MYRIP: variants seen among roughly 807,000 people sequenced by gnomAD.
MYRIP encodes the protein myosin VIIA and Rab interacting protein, also known as rab effector MyRIP.
Under a neutral mutation model 98.0 loss-of-function variants are expected in MYRIP, and 49 were observed. That is an observed-to-expected ratio of 0.50 (90% CI 0.40 to 0.63). The LOEUF (loss-of-function observed/expected upper bound fraction) is 0.63, where lower values mean the gene tolerates loss of function less well. Among genes scored for constraint, MYRIP ranks in the 30% least tolerant of loss-of-function variants. The probability of loss-of-function intolerance (pLI) is 0.00; values close to 1 mark genes in which losing one functional copy is unlikely to be tolerated. For missense variants in MYRIP, 1,004 were observed against 1,058.2 expected (o/e 0.95, Z 0.71); for synonymous variants, 404 against 409.5 (o/e 0.99, Z 0.16).
chr3:40,097,276 A>G (rs1356700457), intron 3 of MYRIP, among the ~76,000 whole-genome samples: 1 of 152,230 alleles, frequency 6.6e-6, no homozygotes, highest in Admixed American at 6.5e-5. Flanking sequence ...GAGATCAAGT[A>G]ACTTGCCTGT....
rs116716580 is a variant in MYRIP, at chr3:40,039,754, T to G, written c.111-4296T>G. 6.0e-3 allele frequency among the ~76,000 whole-genome samples: 915 copies of G among 151,840 alleles called. 10 individuals are homozygous for G. The highest frequency in any genetic ancestry group is 0.02 in the African/African-American group (848 of 41,430). On this transcript the variant is annotated intron_variant, in intron 2 of 16. Transcript: ENST00000302541. ...TTTTTTTTTTAGGTAGAAACTATAT[T>G]AGTTTCCTGAGGCTGCTGTAACAAA...
intron 12 of MYRIP, among the ~76,000 whole-genome samples, chr3:40,243,228 CTGA>C (rs1407777292): frequency 6.6e-6 from 1 of 152,052 alleles, no homozygotes; most frequent in Non-Finnish European, 1.5e-5. Flanking sequence ...GTAATTATGC[CTGA>C]TGATGATGCG....
chr3:39,980,735 A>G (rs1029980497), intron 2 of MYRIP, among the ~76,000 whole-genome samples: 3 of 152,182 alleles, frequency 2.0e-5, no homozygotes, highest in African/African-American at 7.2e-5. Context: ...ACAGCAATGC[A>G]TATTTTGGAC....
intron 4 of MYRIP, among the ~76,000 whole-genome samples, chr3:40,155,569 T>G (rs1559424581): frequency 6.6e-6 from 1 of 152,016 alleles, no homozygotes; most frequent in African/African-American, 2.4e-5. Context: ...ATTGCCACAC[T>G]GACTTCCACA....
At chr3:39,958,660 A>G (rs1403101413) in intron 2 of MYRIP, among the ~76,000 whole-genome samples, 1 of 151,972 alleles carries the variant, frequency 6.6e-6, no homozygotes, top group Non-Finnish European at 1.5e-5. Flanking sequence ...AATGGCAACA[A>G]AAGCCAAAAT....
chr3:40,026,684 C>T (rs1947137688), intron 2 of MYRIP, among the ~76,000 whole-genome samples: 1 of 152,210 alleles, frequency 6.6e-6, no homozygotes, highest in South Asian at 2.1e-4. Flanking sequence ...TTCACATTCA[C>T]TGTTCAGTCT....
At chr3:40,128,764 T>C (rs2125916489) in intron 3 of MYRIP, among the ~76,000 whole-genome samples, 1 of 152,312 alleles carries the variant, frequency 6.6e-6, no homozygotes, top group South Asian at 2.1e-4. Context: ...TTTCAGGAGG[T>C]ATACTTCATT....
chr3:39,976,230 T>C (rs1156782982), intron 2 of MYRIP, among the ~76,000 whole-genome samples: 1 of 151,780 alleles, frequency 6.6e-6, no homozygotes, highest in East Asian at 1.9e-4. Context: ...AACAAGTGGG[T>C]GAAGGATATG....
chr3:39,900,264 C>T (rs541310294), intron 1 of MYRIP, among the ~76,000 whole-genome samples: 5 of 151,936 alleles, frequency 3.3e-5, no homozygotes, highest in African/African-American at 1.2e-4. Context: ...AAGAAGAGAA[C>T]TTATTGATTT....
chr3:40,083,089 A>G (rs1948515713), intron 3 of MYRIP, among the ~76,000 whole-genome samples: 1 of 152,224 alleles, frequency 6.6e-6, no homozygotes, highest in Non-Finnish European at 1.5e-5. Context: ...CATTCATTCA[A>G]CACCTATTTA....
chr3:40,216,961 CA>C (rs1328504856), intron 11 of MYRIP, among the ~76,000 whole-genome samples: 2 of 152,016 alleles, frequency 1.3e-5, no homozygotes, highest in African/African-American at 2.4e-5. Flanking sequence ...TAAAAAATAA[CA>C]TGTGTGGCTT....
chr3:40,251,673 C>G (rs1953381247), intron 15 of MYRIP, among the ~76,000 whole-genome samples: 1 of 152,196 alleles, frequency 6.6e-6, no homozygotes, highest in Non-Finnish European at 1.5e-5. Flanking sequence ...TATCGTTCCA[C>G]AGAAAGCTAT....
intron 11 of MYRIP, among the ~76,000 whole-genome samples, chr3:40,230,254 A>G (rs1952611892): frequency 6.6e-6 from 1 of 152,066 alleles, no homozygotes; most frequent in African/African-American, 2.4e-5. Flanking sequence ...TGGGCTCTCA[A>G]CTCGTGCTTT....
At chr3:40,141,228 T>A (rs1351598896) in intron 3 of MYRIP, among the ~76,000 whole-genome samples, 1 of 152,250 alleles carries the variant, frequency 6.6e-6, no homozygotes, top group African/African-American at 2.4e-5. Context: ...TAAAAAAGAA[T>A]GAGATCCAGT....
intron 2 of MYRIP, among the ~76,000 whole-genome samples, chr3:40,033,734 A>T (rs961210254): frequency 6.6e-6 from 1 of 152,184 alleles, no homozygotes. Context: ...TAAAGTTCAT[A>T]TGGAACCAAA....
At position 40,189,954 on chromosome 3, in the gene MYRIP, G is replaced by A. The variant is rs1170055952; in HGVS notation, c.1156G>A (p.Val386Met). The A allele has an allele frequency of 6.2e-7, 1 of 1,614,058 alleles. No individual in the cohort carries two copies. The highest frequency in any genetic ancestry group is 8.5e-7 in the Non-Finnish European group (1 of 1,180,036). Residue 386 changes from valine (V) to methionine (M), a missense_variant, in exon 10 of 17, where the codon GTG becomes ATG. Val to Met is a conservative substitution (Grantham distance 21). Coordinates refer to ENST00000302541, the MANE Select transcript of MYRIP (RefSeq NM_015460.4). ...TFQALEVASS[V>M]ASAYDEMGSD... Reference sequence around the variant, plus strand: ...TCAGGCCCTGGAGGTGGCCTCCAGTGTGGCATCTGCCTACGATGAGATGGG... The same window carrying A: ...TCAGGCCCTGGAGGTGGCCTCCAGTATGGCATCTGCCTACGATGAGATGGG...
At chr3:40,006,754 T>C (rs988683922) in intron 2 of MYRIP, among the ~76,000 whole-genome samples, 5 of 152,242 alleles carry the variant, frequency 3.3e-5, no homozygotes, top group Non-Finnish European at 5.9e-5. Context: ...TTCTAGCATT[T>C]GCACTTACTT....
chr3:39,935,132 G>T (rs1944629501), intron 2 of MYRIP, among the ~76,000 whole-genome samples: 1 of 152,190 alleles, frequency 6.6e-6, no homozygotes, highest in African/African-American at 2.4e-5. Flanking sequence ...GATGCTTTTT[G>T]TGCCTGGGTG....
chr3:40,212,853 G>T (rs183318002), intron 11 of MYRIP, among the ~76,000 whole-genome samples: 1 of 152,136 alleles, frequency 6.6e-6, no homozygotes, highest in Admixed American at 6.5e-5. Flanking sequence ...AGGAGGTTGA[G>T]GCTGCAGTGA....
Sources: allele counts gnomAD v4.1 joint callset (sites outside exome capture counted in the v4.1 genomes callset), GRCh38; gene constraint gnomAD v4.1.1; transcripts MANE v1.5; gene names NCBI Gene and HGNC (gene_info 2026-07-23, HGNC 2026-07-21).